The following H2AZ2 variants were observed in gnomAD, a reference collection of about 807,000 sequenced individuals.
The protein encoded by H2AZ2 is histone H2A.V.
Under a neutral mutation model 15.5 loss-of-function variants are expected in H2AZ2, and 5 were observed. The observed-to-expected ratio is 0.32, with a 90% CI of 0.17 to 0.68. The LOEUF is 0.68. Ranked by LOEUF, H2AZ2 falls within the 30% of genes least tolerant of loss-of-function variation. The pLI is 0.72. For missense variants in H2AZ2, 42 were observed against 162.5 expected (o/e 0.26, Z 4.03); for synonymous variants, 44 against 57.4 (o/e 0.77, Z 1.05).
At chr7:44,836,474 T>C (rs903686723) in intron 3 of H2AZ2, among the ~76,000 whole-genome samples, 7 of 152,254 alleles carry the variant, frequency 4.6e-5, no homozygotes, top group Non-Finnish European at 4.4e-5. Context: ...GTGCTGGGAT[T>C]ACAGGTGTAC....
rs1481702992 is a variant in H2AZ2 at position 44,833,271 on chromosome 7, T to C, written c.*1230A>G. On this transcript the variant is annotated 3_prime_UTR_variant, in exon 5 of 5. Transcript: ENST00000308153. ...TGTTTTGAGAGGGAGTCTTGCTCAG[T>C]CGCCAAGCTGGAGTGCAGTGGCGCC... Among the ~76,000 whole-genome samples, 1 of 152,022 alleles carries C rather than the reference T, an allele frequency of 6.6e-6. No individual in the cohort carries two copies. The highest frequency in any genetic ancestry group is 2.4e-5 in the African/African-American group (1 of 41,404).
chr7:44,844,173 A>C (rs919925335), intron 1 of H2AZ2, among the ~76,000 whole-genome samples: 1 of 152,236 alleles, frequency 6.6e-6, no homozygotes, highest in African/African-American at 2.4e-5. Flanking sequence ...CGTTCACAGA[A>C]GCATTATTCA....
chr7:44,845,314 T>C (rs1398995194), intron 1 of H2AZ2, among the ~76,000 whole-genome samples: 2 of 152,168 alleles, frequency 1.3e-5, no homozygotes, highest in Non-Finnish European at 2.9e-5. Context: ...CTGATTTAAG[T>C]TTACCAGTAA....
intron 4 of H2AZ2, 83 bp from the exon 5 acceptor site, chr7:44,834,645 T>G: frequency 7.8e-7 from 1 of 1,281,510 alleles, no homozygotes; most frequent in South Asian, 1.3e-5. Flanking sequence ...AAAATGAAAT[T>G]TACTTAAGTC....
At chr7:44,846,741 C>T (rs1457562618) in intron 1 of H2AZ2, among the ~76,000 whole-genome samples, 1 of 150,950 alleles carries the variant, frequency 6.6e-6, no homozygotes, top group East Asian at 1.9e-4. Flanking sequence ...TAAGCTGTAC[C>T]TCAGTTTGAT....
At chr7:44,836,885 A>T (rs2117029306) in intron 3 of H2AZ2, among the ~76,000 whole-genome samples, 1 of 151,458 alleles carries the variant, frequency 6.6e-6, no homozygotes, top group South Asian at 2.1e-4. Context: ...AGTCCCAGCT[A>T]CTCGGGAGGG....
intron 1 of H2AZ2, 26 bp downstream of exon 1, chr7:44,847,943 C>T: frequency 6.7e-7 from 1 of 1,502,102 alleles, no homozygotes; most frequent in Non-Finnish European, 8.8e-7. Context: ...AGGCCCCGTG[C>T]CCCCGGCCCA....
chr7:44,841,049 G>T, intron 2 of H2AZ2, 37 bp from the exon 3 acceptor site: 1 of 1,433,284 alleles, frequency 7.0e-7, no homozygotes, highest in Non-Finnish European at 9.8e-7. Context: ...GCACTGCAGA[G>T]TCTTAACATT....
rs549801634 is a variant in H2AZ2 at position 44,834,234 on chromosome 7, T to C, written c.*267A>G. ...AGAACAGTTTTGAGACAAATTAATT[T>C]TGTAAAAAATGGTTTATCAATTCCA... On this transcript the variant is annotated 3_prime_UTR_variant, in exon 5 of 5. Coordinates refer to ENST00000308153, the MANE Select transcript of H2AZ2 (RefSeq NM_012412.5). 16 of 1,211,644 alleles carry C rather than the reference T, an allele frequency of 1.3e-5. No homozygotes were observed. In the East Asian group the frequency reaches 4.4e-4, roughly 33 times the overall value. The allele number at this position is 1,211,644 out of a possible 1,614,324, so 75.1% of individuals were successfully genotyped here. A position where few individuals can be genotyped will look rare whatever the true frequency, so the allele number is the denominator to read the frequency against.
chr7:44,847,413 G>C (rs893082437), intron 1 of H2AZ2, among the ~76,000 whole-genome samples: 1 of 152,140 alleles, frequency 6.6e-6, no homozygotes, highest in Non-Finnish European at 1.5e-5. Flanking sequence ...AGAAGATAAC[G>C]GGCGTTCATT....
intron 2 of H2AZ2, 62 bp from the exon 3 acceptor site, chr7:44,841,074 C>G: frequency 8.2e-7 from 1 of 1,220,468 alleles, no homozygotes; most frequent in Non-Finnish European, 1.2e-6. Context: ...TGACTGTAAT[C>G]AAAGGCTGAA....
intron 1 of H2AZ2, among the ~76,000 whole-genome samples, chr7:44,847,588 T>A (rs1341637231): frequency 6.6e-6 from 1 of 152,208 alleles, no homozygotes; most frequent in South Asian, 2.1e-4. Context: ...ATCTAACTTG[T>A]ACAGCGGCAG....
Position 44,832,667 on chromosome 7 carries a change from C to G in H2AZ2, c.*1834G>C, listed in dbSNP as rs7801526. ...ATTAACTCAAGTAACAGTTACTTAG[C>G]GCAGGGCATGGTGGCTTATGCCTAT... On this transcript the variant is annotated 3_prime_UTR_variant, in exon 5 of 5. Coordinates refer to ENST00000308153, the MANE Select transcript of H2AZ2 (RefSeq NM_012412.5). Among the ~76,000 whole-genome samples the G allele has an allele frequency of 0.76, 115,466 of 152,164 alleles. 46,299 individuals are homozygous for G. Among genetic ancestry groups the G allele is most frequent in the Non-Finnish European group, 0.9 (61,415 of 68,026 alleles).
At chr7:44,843,924 A>G (rs1793337811) in intron 1 of H2AZ2, among the ~76,000 whole-genome samples, 1 of 152,198 alleles carries the variant, frequency 6.6e-6, no homozygotes, top group Non-Finnish European at 1.5e-5. Flanking sequence ...CTTGCAAGTC[A>G]ATATAACTTT....
chr7:44,846,200 C>G (rs1259576083), intron 1 of H2AZ2, among the ~76,000 whole-genome samples: 3 of 152,152 alleles, frequency 2.0e-5, no homozygotes, highest in African/African-American at 7.2e-5. Flanking sequence ...GGTTTAAAAT[C>G]TATCAAGAAC....
rs1168757202 is a variant in H2AZ2 at position 44,834,278 on chromosome 7, G to A, written c.*223C>T. The A allele has an allele frequency of 1.2e-5, 15 of 1,261,592 alleles. No individual in the cohort carries two copies. The highest frequency in any genetic ancestry group is 3.1e-4 in the Middle Eastern group (1 of 3,238). 78.1% of individuals were successfully genotyped at this position (1,261,592 alleles called of 1,614,324 possible). A position where few individuals can be genotyped will look rare whatever the true frequency, so the allele number is the denominator to read the frequency against. On this transcript the variant is annotated 3_prime_UTR_variant, in exon 5 of 5. Transcript: ENST00000308153. Reference sequence around the variant, plus strand: ...AATTCCATTTTTGTATAAAACACACGGGAGAAACCTAGCCAATCAACACAC... The same window carrying A: ...AATTCCATTTTTGTATAAAACACACAGGAGAAACCTAGCCAATCAACACAC...
chr7:44,837,223 C>G (rs1793147111), intron 3 of H2AZ2, among the ~76,000 whole-genome samples: 1 of 151,562 alleles, frequency 6.6e-6, no homozygotes, highest in African/African-American at 2.4e-5. Flanking sequence ...TTAAATAGAG[C>G]AGTGTTGGGT....
In H2AZ2 at chr7:44,835,631, T is replaced by C; in HGVS notation, c.223A>G (p.Lys75Glu). 6.2e-7 allele frequency: 1 copy of C among 1,610,004 alleles called. No individual in the cohort carries two copies. The highest frequency in any genetic ancestry group is 8.5e-7 in the Non-Finnish European group (1 of 1,177,330). The change falls in exon 4 of 5, where the codon AAG (lysine) becomes GAG (glutamate). Residue 75 changes from lysine (K) to glutamate (E), a missense_variant. Coordinates refer to ENST00000308153, the MANE Select transcript of H2AZ2 (RefSeq NM_012412.5). ...GTGATACGCTTTACTTTGAGATCCT[T>C]AGAAGCATTACCTGCCAGCTCCAGC... ...EVLELAGNAS[K>E]DLKVKRITPR...
chr7:44,844,556 G>T (rs1217803729), intron 1 of H2AZ2, among the ~76,000 whole-genome samples: 1 of 152,168 alleles, frequency 6.6e-6, no homozygotes, highest in African/African-American at 2.4e-5. Flanking sequence ...GTTTCTGCAT[G>T]TTGGCCAGGC....
Sources: gnomAD v4.1 joint callset for allele counts (sites outside exome capture counted in the v4.1 genomes callset) on GRCh38, gnomAD v4.1.1 for gene constraint, MANE v1.5 for transcripts, NCBI Gene and HGNC (gene_info 2026-07-23, HGNC 2026-07-21) for gene names.